MTMR12: variants seen among roughly 807,000 people sequenced by gnomAD.
MTMR12 encodes myotubularin-related protein 12.
Under a neutral mutation model 96.7 loss-of-function variants are expected in MTMR12, and 33 were observed. The observed-to-expected ratio is 0.34, with a 90% CI of 0.26 to 0.46. The LOEUF (loss-of-function observed/expected upper bound fraction) is 0.46, where lower values mean the gene tolerates loss of function less well. Among genes scored for constraint, MTMR12 ranks in the 20% least tolerant of loss-of-function variants. The pLI is 1.00. For synonymous variants in MTMR12, 298 were observed against 327.2 expected (o/e 0.91, Z 0.96); for missense variants, 721 against 896.1 (o/e 0.80, Z 2.49).
In MTMR12 at chr5:32,312,681, C is replaced by T; in HGVS notation, c.81+77G>A. 2 of 1,260,496 alleles carry T rather than the reference C, an allele frequency of 1.6e-6. No individual in the cohort carries two copies. The highest frequency in any genetic ancestry group is 2.0e-6 in the Non-Finnish European group (2 of 986,244). 78.1% of individuals were successfully genotyped at this position (1,260,496 alleles called of 1,614,324 possible). A position where few individuals can be genotyped will look rare whatever the true frequency, so the allele number is the denominator to read the frequency against. On this transcript the variant is annotated intron_variant, in intron 1 of 15. Coordinates refer to ENST00000382142, the MANE Select transcript of MTMR12 (RefSeq NM_001040446.3). The surrounding 1 kb of genome is among the most constrained non-coding windows in gnomAD (Gnocchi z 5.0). Reference sequence around the variant, plus strand: ...AGGAAGCGCTCCGCGGCGCTCCCCGCTGCAAGGAAGGGGCTCCCGGCGCCC... The same window carrying T: ...AGGAAGCGCTCCGCGGCGCTCCCCGTTGCAAGGAAGGGGCTCCCGGCGCCC...
chr5:32,258,221 T>A (rs1749218079), intron 7 of MTMR12, among the ~76,000 whole-genome samples: 4 of 152,202 alleles, frequency 2.6e-5, no homozygotes, highest in African/African-American at 9.6e-5. Context: ...TGGAAACTAA[T>A]GGTCACTAAG....
At chr5:32,236,177 G>T (rs1327265387) in intron 13 of MTMR12, among the ~76,000 whole-genome samples, 1 of 152,100 alleles carries the variant, frequency 6.6e-6, no homozygotes, top group Admixed American at 6.5e-5. Context: ...AACAGCAGCA[G>T]ATCAGGTCTC....
intron 1 of MTMR12, among the ~76,000 whole-genome samples, chr5:32,310,821 T>C (rs774434593): frequency 1.3e-5 from 2 of 152,170 alleles, no homozygotes; most frequent in Admixed American, 6.5e-5. Flanking sequence ...GGATAAATGC[T>C]TGCAGTGATG....
chr5:32,243,767 C>T (rs920853855), intron 10 of MTMR12, among the ~76,000 whole-genome samples, 168 bp from the exon 11 acceptor site: 1 of 152,202 alleles, frequency 6.6e-6, no homozygotes, highest in Non-Finnish European at 1.5e-5. Flanking sequence ...AAAACTTCAG[C>T]TGAAATGGTT....
chr5:32,243,700 C>T (rs962283814), intron 10 of MTMR12, 101 bp from the exon 11 acceptor site: 13 of 703,296 alleles, frequency 1.8e-5, no homozygotes, highest in Middle Eastern at 2.4e-4. Context: ...GATTAACAGT[C>T]CTGACTCAAA....
intron 1 of MTMR12, among the ~76,000 whole-genome samples, chr5:32,300,970 A>G (rs2910907): frequency 0.37 from 56,606 of 151,960 alleles, 10,836 homozygotes; most frequent in East Asian, 0.49. Context: ...AACTACTCAG[A>G]AGGCTGAGGC....
intron 5 of MTMR12, among the ~76,000 whole-genome samples, chr5:32,269,177 T>A (rs2112077293): frequency 6.6e-6 from 1 of 151,914 alleles, no homozygotes. Flanking sequence ...CAGGCCTGCA[T>A]CATCACGCCT....
At chr5:32,270,417 A>C (rs1749786913) in intron 5 of MTMR12, among the ~76,000 whole-genome samples, 1 of 152,182 alleles carries the variant, frequency 6.6e-6, no homozygotes, top group South Asian at 2.1e-4. Context: ...TCCCAGAGGT[A>C]AACTCATTTA....
chr5:32,241,742 G>T (rs1337209600), intron 12 of MTMR12, among the ~76,000 whole-genome samples: 1 of 152,140 alleles, frequency 6.6e-6, no homozygotes, highest in East Asian at 1.9e-4. Flanking sequence ...ATTCTAAAAA[G>T]ATTTTAAATT....
At chr5:32,250,848 T>C (rs1445602371) in intron 8 of MTMR12, among the ~76,000 whole-genome samples, 1 of 151,996 alleles carries the variant, frequency 6.6e-6, no homozygotes, top group Non-Finnish European at 1.5e-5. Context: ...AAACAGTAAA[T>C]AGAAAAAAAC....
intron 1 of MTMR12, among the ~76,000 whole-genome samples, chr5:32,279,095 A>G (rs1750180405): frequency 1.3e-5 from 1 of 74,756 alleles, no homozygotes; most frequent in Non-Finnish European, 2.9e-5. Flanking sequence ...AAAAAAAAAA[A>G]AAAAAAAAAA....
rs774772468 is a variant in MTMR12, at chr5:32,233,947, G to A, written c.1513-13C>T. 3 of 1,614,104 alleles carry A rather than the reference G, an allele frequency of 1.9e-6. No homozygotes were observed. Among genetic ancestry groups the A allele is most frequent in the Middle Eastern group, 1.6e-4 (1 of 6,062 alleles). ...GGCCTTCTCTACCCTGCCAAAACAA[G>A]CACAGGTCATGCTGTTTTCCAGGGA... On this transcript the variant is annotated splice_polypyrimidine_tract_variant and intron_variant, in intron 14 of 15. Coordinates refer to ENST00000382142, the MANE Select transcript of MTMR12 (RefSeq NM_001040446.3). This position sits in a 1 kb window ranked among gnomAD's most constrained non-coding sequence, Gnocchi z 5.0.
chr5:32,240,129 G>A (rs77605659), intron 12 of MTMR12, among the ~76,000 whole-genome samples: 7,238 of 152,190 alleles, frequency 0.048, 559 homozygotes, highest in African/African-American at 0.16. Flanking sequence ...GGCCGGGCGC[G>A]GTGGCTCATG....
intron 7 of MTMR12, among the ~76,000 whole-genome samples, chr5:32,262,455 G>C (rs1183503613): frequency 6.6e-6 from 1 of 151,968 alleles, no homozygotes; most frequent in East Asian, 1.9e-4. Flanking sequence ...AGAAAAATTA[G>C]ACAGGCATGG....
chr5:32,277,378 G>A (rs1750095942), intron 1 of MTMR12, among the ~76,000 whole-genome samples: 1 of 152,122 alleles, frequency 6.6e-6, no homozygotes, highest in Non-Finnish European at 1.5e-5. Flanking sequence ...ACATAGCAAA[G>A]CAAGGCTGCT....
At chr5:32,305,817 T>C (rs2877263) in intron 1 of MTMR12, among the ~76,000 whole-genome samples, 65,515 of 151,402 alleles carry the variant, frequency 0.43, 14,537 homozygotes, top group East Asian at 0.58. Flanking sequence ...GCAGGAGAAT[T>C]GCTTGAACCC....
chr5:32,307,370 T>C (rs1191983009), intron 1 of MTMR12, among the ~76,000 whole-genome samples: 1 of 151,982 alleles, frequency 6.6e-6, no homozygotes, highest in Non-Finnish European at 1.5e-5. Context: ...GGCACCGACA[T>C]CCTTTGCACC....
chr5:32,308,695 G>A (rs577345076), intron 1 of MTMR12, among the ~76,000 whole-genome samples: 120 of 152,006 alleles, frequency 7.9e-4, no homozygotes, highest in Non-Finnish European at 1.1e-3. Flanking sequence ...CTGCCTCCTG[G>A]GTTCAAGGGA....
At chr5:32,237,867 G>A (rs2111990936) in intron 13 of MTMR12, among the ~76,000 whole-genome samples, 1 of 152,032 alleles carries the variant, frequency 6.6e-6, no homozygotes, top group East Asian at 2.0e-4. Flanking sequence ...GAATGGCCAG[G>A]TGTGGCGGCT....
Sources: gnomAD v4.1 joint callset for allele counts (sites outside exome capture counted in the v4.1 genomes callset) on GRCh38, gnomAD v4.1.1 for gene constraint, Gnocchi (gnomAD v3.1) non-coding constraint, MANE v1.5 for transcripts, NCBI Gene and HGNC (gene_info 2026-07-23, HGNC 2026-07-21) for gene names.